Variants in ARIH1 observed in about 807,000 individuals in gnomAD.
ARIH1 encodes E3 ubiquitin-protein ligase ARIH1.
ARIH1 carries 8 observed loss-of-function variants against 85.0 expected under a neutral mutation model. The ratio of observed to expected loss-of-function variants is 0.09; its 90% confidence interval spans 0.06 to 0.17. ARIH1 has a LOEUF of 0.17. ARIH1 is among the 10% of genes least tolerant of loss of function. The pLI, the probability that ARIH1 is intolerant of heterozygous loss-of-function variation, is 1.00. For missense variants in ARIH1, 311 were observed against 718.1 expected, an observed-to-expected ratio of 0.43 and a Z score of 6.48; for synonymous variants, 238 against 253.6, an observed-to-expected ratio of 0.94 and a Z score of 0.59.
intron 11 of ARIH1, among the ~76,000 whole-genome samples, chr15:72,573,856 T>G (rs1209301505): frequency 6.6e-6 from 1 of 152,182 alleles, no homozygotes; most frequent in Non-Finnish European, 1.5e-5. Context: ...GTATTATTAC[T>G]GTACTGTTAA....
chr15:72,520,827 G>A (rs1362818195), intron 2 of ARIH1, among the ~76,000 whole-genome samples: 1 of 151,526 alleles, frequency 6.6e-6, no homozygotes, highest in African/African-American at 2.4e-5. Flanking sequence ...AGCTTGATAA[G>A]TTGATGTTTG....
chr15:72,525,535 G>A (rs929761159), intron 2 of ARIH1, among the ~76,000 whole-genome samples: 4 of 152,112 alleles, frequency 2.6e-5, no homozygotes, highest in East Asian at 1.9e-4. Flanking sequence ...GATAAATAAC[G>A]TAATACATGG....
intron 1 of ARIH1, among the ~76,000 whole-genome samples, chr15:72,499,358 A>G (rs1200783503): frequency 6.6e-6 from 1 of 152,010 alleles, no homozygotes; most frequent in Non-Finnish European, 1.5e-5. Context: ...TGTGGTAACA[A>G]ATGTAAATGT....
intron 1 of ARIH1, among the ~76,000 whole-genome samples, chr15:72,493,277 G>A (rs1567338688): frequency 1.3e-5 from 2 of 152,028 alleles, no homozygotes; most frequent in African/African-American, 4.8e-5. Context: ...TTTGGGGGGG[G>A]AGGTCAGAAC....
At chr15:72,520,838 AAT>A (rs2063996363) in intron 2 of ARIH1, among the ~76,000 whole-genome samples, 1 of 151,390 alleles carries the variant, frequency 6.6e-6, no homozygotes, top group African/African-American at 2.4e-5. Flanking sequence ...TTGATGTTTG[AAT>A]TTTTTTTTTT....
chr15:72,561,077 G>A (rs1478728022), intron 5 of ARIH1, among the ~76,000 whole-genome samples: 1 of 152,142 alleles, frequency 6.6e-6, no homozygotes, highest in Admixed American at 6.5e-5. Context: ...AACAATATCT[G>A]TCTCATTTCG....
intron 1 of ARIH1, among the ~76,000 whole-genome samples, chr15:72,506,351 C>CAAAAAAAAAAAAAAAAAAAAAAAAAAAAA (rs71134002): frequency 4.1e-5 from 3 of 73,090 alleles, no homozygotes; most frequent in East Asian, 5.1e-4. Flanking sequence ...CTCCGTCTCA[C>CAAAAAAAAAAAAAAAAAAAAAAAAAAAAA]AAAAAAAAAA....
At chr15:72,488,303 C>T (rs2063845443) in intron 1 of ARIH1, among the ~76,000 whole-genome samples, 2 of 152,106 alleles carry the variant, frequency 1.3e-5, no homozygotes, top group East Asian at 1.9e-4. Context: ...TCTCGACCTC[C>T]TGGACTCAAA....
At chr15:72,544,163 T>G (rs530740076) in intron 2 of ARIH1, among the ~76,000 whole-genome samples, 1 of 152,274 alleles carries the variant, frequency 6.6e-6, no homozygotes, top group African/African-American at 2.4e-5. Flanking sequence ...GAAGATACAC[T>G]TCTTTGTTTT....
At chr15:72,522,412 G>A (rs117845778) in intron 2 of ARIH1, among the ~76,000 whole-genome samples, 4,569 of 152,190 alleles carry the variant, frequency 0.03, 113 homozygotes, top group East Asian at 0.11. Flanking sequence ...TATGCAGGAC[G>A]TGGAAGCTGA....
At position 72,601,529 on chromosome 15, in the gene ARIH1, T is replaced by A. The variant is rs1307608290; in HGVS notation, c.*18237T>A. 1 of 152,228 alleles carries A rather than the reference T, an allele frequency of 6.6e-6. No individual in the cohort carries two copies. The highest frequency in any genetic ancestry group is 2.4e-5 in the African/African-American group (1 of 41,452). The allele number at this position is 152,228 out of a possible 1,614,324, so 9.4% of individuals were successfully genotyped here. A position where few individuals can be genotyped will look rare whatever the true frequency, so the allele number is the denominator to read the frequency against. On this transcript the variant is annotated 3_prime_UTR_variant, in exon 14 of 14. Coordinates refer to ENST00000379887, the MANE Select transcript of ARIH1 (RefSeq NM_005744.5). ...GTTCTTCCTTTGCCTTAGAATTCTT[T>A]CCTGGCCTGCACATGTCTTCATCCC...
intron 3 of ARIH1, among the ~76,000 whole-genome samples, chr15:72,550,714 C>T (rs1328669500): frequency 2.0e-5 from 3 of 152,158 alleles, no homozygotes; most frequent in African/African-American, 7.2e-5. Context: ...CTCTGTTGCC[C>T]AGGCTGGAGT....
At chr15:72,501,512 A>G (rs749302450) in intron 1 of ARIH1, among the ~76,000 whole-genome samples, 5 of 152,312 alleles carry the variant, frequency 3.3e-5, no homozygotes, top group Admixed American at 1.3e-4. Flanking sequence ...TTAAAAATCA[A>G]ATTTTTGTAT....
chr15:72,481,553 C>T (rs1387054828), intron 1 of ARIH1, among the ~76,000 whole-genome samples: 2 of 151,948 alleles, frequency 1.3e-5, no homozygotes, highest in African/African-American at 4.8e-5. Context: ...GGCGTGGTGG[C>T]CTGTGCCTGT....
chr15:72,496,368 A>G (rs781642642), intron 1 of ARIH1, among the ~76,000 whole-genome samples: 1 of 152,246 alleles, frequency 6.6e-6, no homozygotes, highest in Non-Finnish European at 1.5e-5. Flanking sequence ...AAATACAAAC[A>G]TACTCTAAGC....
intron 3 of ARIH1, 127 bp from the exon 4 acceptor site, chr15:72,555,143 CA>C: frequency 1.6e-6 from 1 of 636,586 alleles, no homozygotes; most frequent in Non-Finnish European, 2.8e-6. Context: ...TTTAGGAGCC[CA>C]TCTATTGTCA....
At chr15:72,500,034 C>G (rs1022959407) in intron 1 of ARIH1, among the ~76,000 whole-genome samples, 4 of 152,110 alleles carry the variant, frequency 2.6e-5, no homozygotes, top group African/African-American at 9.7e-5. Context: ...AATATTTGTG[C>G]AAGACATTGC....
rs749458387 is a variant in ARIH1 at position 72,582,599 on chromosome 15, A to AT, written c.1589+419dup. 2.3e-4 allele frequency among the ~76,000 whole-genome samples: 35 copies of AT among 151,022 alleles called. No homozygotes were observed. Among genetic ancestry groups the AT allele is most frequent in the Admixed American group, 5.9e-4 (9 of 15,188 alleles). Reference sequence around the variant, plus strand: ...GTTTTTATTACATATATATATATATATTTTTTTAATCTAAGGAGATACTTG... The same window carrying AT: ...GTTTTTATTACATATATATATATATATTTTTTTTAATCTAAGGAGATACTTG... On this transcript the variant is annotated intron_variant, in intron 13 of 13. Transcript: ENST00000379887. This position sits in a 1 kb window ranked among gnomAD's most constrained non-coding sequence, Gnocchi z 4.6.
At position 72,585,656 on chromosome 15, in the gene ARIH1, G is replaced by T. The variant is rs2064313097; in HGVS notation, c.*2364G>T. 1 of 152,132 alleles carries T rather than the reference G, an allele frequency of 6.6e-6. No individual in the cohort carries two copies. The highest frequency in any genetic ancestry group is 1.5e-5 in the Non-Finnish European group (1 of 68,022). 9.4% of individuals were successfully genotyped at this position (152,132 alleles called of 1,614,324 possible). The stretch of plus-strand genomic sequence containing the variant: ...CCTAATACCAGTCTTCACCCATGGA[G>T]GAACAGTGCTTTTTAGAGATGCTTT... On this transcript the variant is annotated 3_prime_UTR_variant, in exon 14 of 14. Coordinates refer to ENST00000379887, the MANE Select transcript of ARIH1 (RefSeq NM_005744.5).
Sources: gnomAD v4.1 joint callset for allele counts (sites outside exome capture counted in the v4.1 genomes callset) on GRCh38, gnomAD v4.1.1 for gene constraint, Gnocchi (gnomAD v3.1) non-coding constraint, MANE v1.5 for transcripts, NCBI Gene and HGNC (gene_info 2026-07-23, HGNC 2026-07-21) for gene names.